Variants in SNUPN observed in about 807,000 individuals in gnomAD.
The protein encoded by SNUPN is snurportin-1.
SNUPN carries 31 observed loss-of-function variants against 39.2 expected under a neutral mutation model. The ratio of observed to expected loss-of-function variants is 0.79; its 90% CI spans 0.59 to 1.07. SNUPN has a LOEUF of 1.07. Among genes scored for constraint, SNUPN ranks in the 50% least tolerant of loss-of-function variants. SNUPN has a pLI of 0.00. For missense variants in SNUPN, 382 were observed against 434.2 expected (o/e 0.88, Z 1.07); for synonymous variants, 132 against 159.0 (o/e 0.83, Z 1.28).
chr15:75,600,035 G>A (rs556787325), intron 8 of SNUPN, among the ~76,000 whole-genome samples: 2 of 151,902 alleles, frequency 1.3e-5, no homozygotes, highest in South Asian at 2.1e-4. Flanking sequence ...TAGTAGAGCC[G>A]GGGTTTCACC....
intron 6 of SNUPN, among the ~76,000 whole-genome samples, chr15:75,605,551 G>A (rs536096144): frequency 6.6e-6 from 1 of 151,722 alleles, no homozygotes; most frequent in African/African-American, 2.4e-5. Context: ...TCTCCACCTC[G>A]AGCCTCCCAA....
chr15:75,621,889 A>G (rs1893081487), intron 1 of SNUPN, among the ~76,000 whole-genome samples: 1 of 152,034 alleles, frequency 6.6e-6, no homozygotes, highest in Non-Finnish European at 1.5e-5. Flanking sequence ...TACAAAAACT[A>G]GCTGGATGTG....
Position 75,609,926 on chromosome 15 carries a change from G to A in SNUPN, c.372C>T (p.Cys124=), listed in dbSNP as rs1284430285. ...CGATAAGGGCTCTTTTTCCAACAGG[G>A]CACACGACCACAATCCATTCCTGCC... The part of the protein sequence containing the change: ...DLGQEWIVVV[C]PVGKRALIVA... Residue 124 remains cysteine (C), a synonymous_variant, in exon 4 of 9, where the codon TGC becomes TGT. Coordinates refer to ENST00000308588, the MANE Select transcript of SNUPN (RefSeq NM_005701.4). The A allele has an allele frequency of 1.2e-6, 2 of 1,613,888 alleles. No individual in the cohort carries two copies. Among genetic ancestry groups the A allele is most frequent in the Non-Finnish European group, 1.7e-6 (2 of 1,179,994 alleles).
At chr15:75,621,978 G>A (rs1215279755) in intron 1 of SNUPN, among the ~76,000 whole-genome samples, 1 of 152,212 alleles carries the variant, frequency 6.6e-6, no homozygotes, top group Non-Finnish European at 1.5e-5. Context: ...GGAGGTTGCA[G>A]TGAGCCGAGA....
At chr15:75,624,556 C>T (rs1218852709) in intron 1 of SNUPN, among the ~76,000 whole-genome samples, 1 of 150,202 alleles carries the variant, frequency 6.7e-6, no homozygotes, top group East Asian at 2.1e-4. Context: ...GCCTGTAGTC[C>T]CAGATGCTCG....
intron 2 of SNUPN, 31 bp downstream of exon 2, chr15:75,620,859 CAGAG>C (rs1299567365): frequency 6.3e-7 from 1 of 1,597,128 alleles, no homozygotes; most frequent in Non-Finnish European, 8.6e-7. Context: ...GCTCCTAGCC[CAGAG>C]AAAGAAGACA....
At position 75,617,494 on chromosome 15, in the gene SNUPN, T is replaced by C. The variant is rs1451313310; in HGVS notation, c.217A>G (p.Met73Val). 6.2e-7 allele frequency: 1 copy of C among 1,613,808 alleles called. No individual in the cohort carries two copies. The highest frequency in any genetic ancestry group is 8.5e-7 in the Non-Finnish European group (1 of 1,179,994). Residue 73 changes from methionine to valine, a missense_variant, in exon 3 of 9, where the codon ATG becomes GTG. Physicochemically the swap from Met to Val is conservative, Grantham distance 21. Coordinates refer to ENST00000308588, the MANE Select transcript of SNUPN (RefSeq NM_005701.4). ...TTCTTATTTTCTTCCTCACTCTCCATCCCTGTCCAGTCATCTTCAGCCAGT... is the reference window on the plus strand; with the variant it reads ...TTCTTATTTTCTTCCTCACTCTCCACCCCTGTCCAGTCATCTTCAGCCAGT... ...RRLAEDDWTGMESEEENKKDD... is the reference protein window; with the variant it reads ...RRLAEDDWTGVESEEENKKDD...
intron 6 of SNUPN, among the ~76,000 whole-genome samples, chr15:75,605,601 G>A (rs1188756432): frequency 6.6e-6 from 1 of 152,050 alleles, no homozygotes; most frequent in South Asian, 2.1e-4. Context: ...CGCCCACCGG[G>A]CCTCTTCATT....
chr15:75,602,847 T>C (rs1469587792), intron 7 of SNUPN, among the ~76,000 whole-genome samples: 1 of 152,028 alleles, frequency 6.6e-6, no homozygotes, highest in African/African-American at 2.4e-5. Context: ...GCTCAAACAA[T>C]CCACCTACCT....
intron 1 of SNUPN, among the ~76,000 whole-genome samples, chr15:75,624,437 T>A (rs1303531197): frequency 6.9e-6 from 1 of 145,172 alleles, no homozygotes; most frequent in East Asian, 2.2e-4. Flanking sequence ...AGCGGGCAGA[T>A]CACCTGAGGT....
intron 3 of SNUPN, among the ~76,000 whole-genome samples, chr15:75,616,147 T>G (rs900183801): frequency 1.7e-5 from 1 of 58,870 alleles, no homozygotes; most frequent in Non-Finnish European, 2.8e-5. Flanking sequence ...TTCTATTGTG[T>G]TTTTTTTTTT....
Position 75,598,567 on chromosome 15 carries a change from C to A in SNUPN, c.874G>T (p.Ala292Ser). Residue 292 changes from alanine to serine, a missense_variant, in exon 9 of 9, where the codon GCT (alanine) becomes TCT (serine). By Grantham distance (99) the Ala-to-Ser change is moderately conservative (BLOSUM62 1). Transcript: ENST00000308588. ...VSDVLGVAVP[A>S]GPLTTKPDYA... ...TCTGGCTTGGTGGTCAGCGGGCCAG[C>A]CGGCACAGCTACACCAAGGACATCT... The A allele has an allele frequency of 1.9e-6, 3 of 1,614,190 alleles. No individual in the cohort carries two copies. In the South Asian group the frequency reaches 3.3e-5, roughly 18 times the overall value.
chr15:75,607,141 A>C, intron 6 of SNUPN, 75 bp downstream of exon 6: 1 of 1,026,638 alleles, frequency 9.7e-7, no homozygotes, highest in South Asian at 1.3e-5. Flanking sequence ...CACATACCAA[A>C]CCCACATGCT....
chr15:75,609,785 T>C (rs1238213056), intron 4 of SNUPN, 105 bp downstream of exon 4: 2 of 1,149,402 alleles, frequency 1.7e-6, no homozygotes, highest in South Asian at 2.6e-5. Flanking sequence ...TGTTTCAAGC[T>C]CCACTCCAGG....
At chr15:75,621,478 T>A (rs1325902778) in intron 1 of SNUPN, among the ~76,000 whole-genome samples, 6 of 152,072 alleles carry the variant, frequency 3.9e-5, no homozygotes, top group Non-Finnish European at 8.8e-5. Flanking sequence ...CCTAGGCTAG[T>A]CTTGAACTCT....
intron 3 of SNUPN, among the ~76,000 whole-genome samples, chr15:75,611,028 C>T (rs1260186017): frequency 6.6e-6 from 1 of 151,754 alleles, no homozygotes; most frequent in South Asian, 2.1e-4. Flanking sequence ...ATTAGCTGGG[C>T]GTGTTGGCGG....
At chr15:75,602,670 A>G (rs887258502) in intron 7 of SNUPN, among the ~76,000 whole-genome samples, 6 of 151,848 alleles carry the variant, frequency 4.0e-5, no homozygotes, top group African/African-American at 1.5e-4. Flanking sequence ...CAGTGGCACA[A>G]TCACAGCTCA....
rs1892966448 is a variant in SNUPN, at chr15:75,617,461, C to T, written c.250G>A (p.Glu84Lys). Reference protein sequence around the residue: ...ESEEENKKDDEEMDIDTVKKL... With the variant: ...ESEEENKKDDKEMDIDTVKKL... ...TTGACAGTGTCAATGTCCATTTCTTCATCATCTTTCTTATTTTCTTCCTCA... is the reference window on the plus strand; with the variant it reads ...TTGACAGTGTCAATGTCCATTTCTTTATCATCTTTCTTATTTTCTTCCTCA... Residue 84 changes from glutamate (E) to lysine (K), a missense_variant, in exon 3 of 9, where the codon GAA becomes AAA. Glu to Lys is a moderately conservative substitution (Grantham distance 56). Coordinates refer to ENST00000308588, the MANE Select transcript of SNUPN (RefSeq NM_005701.4). The T allele has an allele frequency of 6.2e-7, 1 of 1,614,102 alleles. No homozygotes were observed. Among genetic ancestry groups the T allele is most frequent in the South Asian group, 1.1e-5 (1 of 91,086 alleles).
Position 75,609,587 on chromosome 15 carries a change from C to A in SNUPN, c.473G>T (p.Gly158Val). 6.2e-7 allele frequency: 1 copy of A among 1,614,100 alleles called. No homozygotes were observed. Among genetic ancestry groups the A allele is most frequent in the East Asian group, 2.2e-5 (1 of 44,886 alleles). ...CVNRFSSLLP[G>V]GNRRNSTAKD... ...TGCTGTTGAGTTTCGCCTGTTGCCT[C>A]CTGGCAGAAGTGAAGAAAACCTGTT... Residue 158 changes from glycine to valine, a missense_variant, in exon 5 of 9, where the codon GGA (glycine) becomes GTA (valine). Coordinates refer to ENST00000308588, the MANE Select transcript of SNUPN (RefSeq NM_005701.4).
Sources: allele counts gnomAD v4.1 joint callset (sites outside exome capture counted in the v4.1 genomes callset), GRCh38; gene constraint gnomAD v4.1.1; transcripts MANE v1.5; gene names NCBI Gene and HGNC (gene_info 2026-07-23, HGNC 2026-07-21).